Variants in SOX6 observed in about 807,000 individuals in gnomAD.
SOX6 encodes SRY-box transcription factor 6, also known as transcription factor SOX-6.
A neutral mutation model predicts 97.8 loss-of-function variants in SOX6; 11 were observed. The observed-to-expected ratio is 0.11, with a 90% confidence interval of 0.07 to 0.19. The LOEUF (loss-of-function observed/expected upper bound fraction) is 0.19. Among genes scored for constraint, SOX6 ranks in the 10% least tolerant of loss-of-function variants. The pLI is 1.00. For missense variants in SOX6, 810 were observed against 1,039.5 expected (o/e 0.78, Z 3.04); for synonymous variants, 360 against 371.4 (o/e 0.97, Z 0.35).
intron 1 of SOX6, among the ~76,000 whole-genome samples, chr11:16,401,907 AATC>A (rs1858568469): frequency 6.6e-6 from 1 of 151,532 alleles, no homozygotes; most frequent in East Asian, 1.9e-4. Flanking sequence ...AGGTTTCTCA[AATC>A]ATCAAGAGAT....
intron 4 of SOX6, among the ~76,000 whole-genome samples, chr11:16,219,376 G>A (rs543140959): frequency 9.0e-4 from 137 of 152,024 alleles, no homozygotes; most frequent in African/African-American, 3.2e-3. Context: ...ACTATGTCAG[G>A]CCCATTCTAA....
chr11:16,303,845 G>C (rs1053622128), intron 3 of SOX6, among the ~76,000 whole-genome samples: 1 of 152,150 alleles, frequency 6.6e-6, no homozygotes, highest in African/African-American at 2.4e-5. Context: ...ATGTTGTTAA[G>C]TGCATACCTA....
intron 6 of SOX6, among the ~76,000 whole-genome samples, chr11:16,114,405 T>A (rs898857147): frequency 1.3e-5 from 2 of 152,184 alleles, no homozygotes; most frequent in Non-Finnish European, 2.9e-5. Context: ...TACACAATTA[T>A]TGTGAGGACC....
At chr11:16,497,399 A>G (rs1860619622) in intron 4 of SOX6, among the ~76,000 whole-genome samples, 1 of 152,176 alleles carries the variant, frequency 6.6e-6, no homozygotes, top group South Asian at 2.1e-4. Context: ...AATCTCTAAA[A>G]ATCAGAATGC....
chr11:16,330,868 C>T (rs1020609795), intron 2 of SOX6, among the ~76,000 whole-genome samples: 9 of 152,054 alleles, frequency 5.9e-5, no homozygotes, highest in South Asian at 2.1e-4. Flanking sequence ...GAGATGAACA[C>T]AGGCTTTCTA....
At chr11:16,296,404 A>AAT (rs1267346981) in intron 3 of SOX6, among the ~76,000 whole-genome samples, 1 of 152,160 alleles carries the variant, frequency 6.6e-6, no homozygotes, top group Non-Finnish European at 1.5e-5. Flanking sequence ...TGTTGTAATC[A>AAT]AATAACAACT....
chr11:16,653,333 T>C (rs972553221), intron 3 of SOX6, among the ~76,000 whole-genome samples: 2 of 152,166 alleles, frequency 1.3e-5, no homozygotes, highest in African/African-American at 4.8e-5. Flanking sequence ...TATAGCAGCA[T>C]AATTTGCTAT....
intron 13 of SOX6, among the ~76,000 whole-genome samples, chr11:15,991,346 C>T (rs1231569591): frequency 2.6e-5 from 4 of 152,136 alleles, no homozygotes; most frequent in Non-Finnish European, 5.9e-5. Context: ...CTGACAATAT[C>T]CATCAACACA....
chr11:15,972,696 CCATTCTGCTGATGTAATTGTGG>C lies in SOX6; in HGVS notation c.*91_*112del. ...CTCACACTTTACGAAACAATTAAGA[CCATTCTGCTGATGTAATTGTGG>C]AGCCACAAATGCATGCGGGCTCTTT... On this transcript the variant is annotated 3_prime_UTR_variant, in exon 16 of 16. Coordinates refer to ENST00000683767, the MANE Select transcript of SOX6 (RefSeq NM_001367873.1). 2 of 1,149,092 alleles carry C rather than the reference CCATTCTGCTGATGTAATTGTGG, an allele frequency of 1.7e-6. No individual in the cohort carries two copies. The highest frequency in any genetic ancestry group is 2.6e-6 in the Non-Finnish European group (2 of 770,546). 71.2% of individuals were successfully genotyped at this position (1,149,092 alleles called of 1,614,324 possible).
intron 1 of SOX6, among the ~76,000 whole-genome samples, chr11:16,398,147 C>T (rs1273571319): frequency 2.6e-5 from 4 of 151,534 alleles, no homozygotes; most frequent in Non-Finnish European, 5.9e-5. Flanking sequence ...GTCCTAACCA[C>T]CCAAGTGATT....
chr11:16,718,470 T>G (rs905541382), intron 2 of SOX6, among the ~76,000 whole-genome samples: 4 of 152,202 alleles, frequency 2.6e-5, no homozygotes, highest in African/African-American at 9.7e-5. Flanking sequence ...CAAGAAGCTT[T>G]GTTGACCCCC....
chr11:16,157,242 T>C (rs1850626500), intron 6 of SOX6, among the ~76,000 whole-genome samples: 1 of 152,034 alleles, frequency 6.6e-6, no homozygotes, highest in Admixed American at 6.6e-5. Context: ...TTCTTCCCTT[T>C]TGGATTACTT....
At chr11:16,652,175 G>A (rs1847662909) in intron 3 of SOX6, among the ~76,000 whole-genome samples, 1 of 152,084 alleles carries the variant, frequency 6.6e-6, no homozygotes, top group South Asian at 2.1e-4. Context: ...CTGTGAAAAT[G>A]ACCATACAGC....
chr11:16,590,102 T>C (rs1368595012), intron 4 of SOX6, among the ~76,000 whole-genome samples: 1 of 152,220 alleles, frequency 6.6e-6, no homozygotes, highest in Non-Finnish European at 1.5e-5. Context: ...TTACCTAGAA[T>C]GCAGTGTGAA....
intron 13 of SOX6, among the ~76,000 whole-genome samples, chr11:16,000,733 C>T (rs375291579): frequency 8.8e-5 from 12 of 137,062 alleles, no homozygotes; most frequent in East Asian, 5.8e-4. Flanking sequence ...TGTGTGTGCG[C>T]GCGTGCGCGT....
At chr11:16,579,388 C>T (rs959712315) in intron 4 of SOX6, among the ~76,000 whole-genome samples, 1 of 151,852 alleles carries the variant, frequency 6.6e-6, no homozygotes, top group African/African-American at 2.4e-5. Context: ...ACCACCCAGA[C>T]CAAGCTATAA....
At chr11:16,177,621 A>ATCTCTC (rs71044087) in intron 6 of SOX6, among the ~76,000 whole-genome samples, 10,655 of 145,600 alleles carry the variant, frequency 0.073, 852 homozygotes, top group African/African-American at 0.2. Flanking sequence ...GAATAAGATG[A>ATCTCTC]TCTCTCTCTC....
rs186230602 is a variant in SOX6, at chr11:16,618,545, G to A, written n.430-6285C>T. On this transcript the variant is annotated intron_variant and non_coding_transcript_variant, in intron 3 of 5. Coordinates refer to the SOX6 transcript ENST00000524520. Reference sequence around the variant, plus strand: ...ATATGCAACTTATTCTCCTTGATAGGATTAGGAGGATTCCAAAGAAGCATT... The same window carrying A: ...ATATGCAACTTATTCTCCTTGATAGAATTAGGAGGATTCCAAAGAAGCATT... Among the ~76,000 whole-genome samples the A allele has an allele frequency of 1.8e-3, 277 of 151,882 alleles. 1 individual carries two copies. Among genetic ancestry groups the A allele is most frequent in the Admixed American group, 3.6e-3 (55 of 15,252 alleles).
At chr11:16,544,611 G>T (rs1343536625) in intron 4 of SOX6, among the ~76,000 whole-genome samples, 1 of 152,108 alleles carries the variant, frequency 6.6e-6, no homozygotes, top group Non-Finnish European at 1.5e-5. Flanking sequence ...CTAGACACTG[G>T]TAGTGGTTGC....
Sources: allele counts gnomAD v4.1 joint callset (sites outside exome capture counted in the v4.1 genomes callset), GRCh38; gene constraint gnomAD v4.1.1; transcripts MANE v1.5; gene names NCBI Gene and HGNC (gene_info 2026-07-23, HGNC 2026-07-21).